Variants in VPS13C observed in about 807,000 individuals in gnomAD.
VPS13C encodes vacuolar protein sorting 13 homolog C.
VPS13C carries 358 observed loss-of-function variants against 456.8 expected under a neutral mutation model. The ratio of observed to expected loss-of-function variants is 0.78; its 90% CI spans 0.72 to 0.86. VPS13C has a LOEUF of 0.86. VPS13C is among the 40% of genes least tolerant of loss of function. The pLI, the probability that VPS13C is intolerant of heterozygous loss-of-function variation, is 0.00. For synonymous variants in VPS13C, 1,578 were observed against 1,486.7 expected, an observed-to-expected ratio of 1.06 and a Z score of -1.41; for missense variants, 4,818 against 4,385.4, an observed-to-expected ratio of 1.10 and a Z score of -2.79.
At chr15:61,924,930 G>A (rs575298199) in intron 53 of VPS13C, among the ~76,000 whole-genome samples, 24 of 152,160 alleles carry the variant, frequency 1.6e-4, no homozygotes, top group Admixed American at 1.3e-3. Flanking sequence ...GAACCTGAAC[G>A]CCATTGGAAA....
intron 45 of VPS13C, among the ~76,000 whole-genome samples, chr15:61,944,455 A>T (rs996210897): frequency 6.6e-6 from 1 of 152,166 alleles, no homozygotes; most frequent in African/African-American, 2.4e-5. Context: ...ACACAGTCAT[A>T]AAAAAAGAAT....
intron 8 of VPS13C, among the ~76,000 whole-genome samples, chr15:62,022,284 A>G (rs1265370438): frequency 6.6e-6 from 1 of 151,888 alleles, no homozygotes; most frequent in African/African-American, 2.4e-5. Context: ...AATTTTACAA[A>G]TTAGAAATGG....
At chr15:62,003,007 T>A (rs2046689547) in intron 15 of VPS13C, among the ~76,000 whole-genome samples, 1 of 152,146 alleles carries the variant, frequency 6.6e-6, no homozygotes, top group Non-Finnish European at 1.5e-5. Flanking sequence ...ATGCGGGCTC[T>A]TTTTTGGTTC....
intron 55 of VPS13C, among the ~76,000 whole-genome samples, chr15:61,921,209 T>C (rs1411716890): frequency 2.0e-5 from 3 of 152,120 alleles, no homozygotes; most frequent in African/African-American, 7.2e-5. Flanking sequence ...ATATTACTTC[T>C]TTATTGAGAG....
At chr15:62,048,624 T>C (rs1275737457) in intron 1 of VPS13C, among the ~76,000 whole-genome samples, 1 of 151,954 alleles carries the variant, frequency 6.6e-6, no homozygotes, top group African/African-American at 2.4e-5. Context: ...TACCCAGTAA[T>C]GGGATGGCTG....
intron 66 of VPS13C, among the ~76,000 whole-genome samples, chr15:61,904,954 A>C (rs892015999): frequency 1.3e-5 from 2 of 152,006 alleles, no homozygotes; most frequent in South Asian, 4.2e-4. Context: ...CTTTATAGAG[A>C]GTTGATGTTG....
intron 18 of VPS13C, among the ~76,000 whole-genome samples, chr15:61,986,159 G>T (rs143169948): frequency 6.7e-6 from 1 of 150,152 alleles, no homozygotes; most frequent in Non-Finnish European, 1.5e-5. Context: ...AGGCTCACTA[G>T]ATTCATGACA....
chr15:61,859,104 C>T (rs930171341), intron 82 of VPS13C, among the ~76,000 whole-genome samples: 4 of 152,180 alleles, frequency 2.6e-5, no homozygotes, highest in African/African-American at 9.7e-5. Flanking sequence ...GTTATGATGG[C>T]TCATGCCTGT....
intron 8 of VPS13C, among the ~76,000 whole-genome samples, chr15:62,022,709 A>T (rs1422254759): frequency 2.6e-5 from 4 of 151,984 alleles, no homozygotes; most frequent in Non-Finnish European, 4.4e-5. Flanking sequence ...CAAATTAAAA[A>T]CAAAAAGAAT....
chr15:62,009,358 A>C (rs2046965619), intron 13 of VPS13C, among the ~76,000 whole-genome samples: 1 of 151,576 alleles, frequency 6.6e-6, no homozygotes, highest in Non-Finnish European at 1.5e-5. Flanking sequence ...AAAGCAGAGA[A>C]GATTAAAAAA....
chr15:61,919,983 C>A, intron 57 of VPS13C, 84 bp downstream of exon 57: 1 of 1,303,940 alleles, frequency 7.7e-7, no homozygotes, highest in South Asian at 2.3e-5. Context: ...ATATCTGCAG[C>A]AAAATGTTTT....
At chr15:61,965,971 G>T (rs2045363355) in intron 30 of VPS13C, 112 bp downstream of exon 30, 4 of 638,186 alleles carry the variant, frequency 6.3e-6, no homozygotes, top group Non-Finnish European at 7.7e-6. Flanking sequence ...AACTCTTATT[G>T]GTCCTTGATT....
chr15:62,001,997 A>G (rs1484269956), intron 15 of VPS13C, among the ~76,000 whole-genome samples: 1 of 152,214 alleles, frequency 6.6e-6, no homozygotes, highest in Admixed American at 6.5e-5. Context: ...ATGTGTCTTT[A>G]TAGCAGCATG....
chr15:61,954,572 A>T lies in VPS13C; in HGVS notation c.4166-18T>A, dbSNP rs1433491191. ...AATTTCACCTGAAATGTTTAAAAGA[A>T]ATTCATTACTTTTATTCACAAATTT... On this transcript the variant is annotated intron_variant, in intron 37 of 84. Transcript: ENST00000644861. 1 of 1,567,750 alleles carries T rather than the reference A, an allele frequency of 6.4e-7. No homozygotes were observed. Among genetic ancestry groups the T allele is most frequent in the Admixed American group, 2.1e-5 (1 of 48,306 alleles).
chr15:61,873,144 A>C, intron 78 of VPS13C, 102 bp downstream of exon 78: 3 of 1,465,242 alleles, frequency 2.0e-6, no homozygotes, highest in Non-Finnish European at 2.7e-6. Flanking sequence ...TTCTATTCCT[A>C]CAGGCCTAGA....
chr15:61,937,597 C>G (rs931234949), intron 47 of VPS13C, among the ~76,000 whole-genome samples: 1 of 152,298 alleles, frequency 6.6e-6, no homozygotes, highest in Non-Finnish European at 1.5e-5. Context: ...GCCTCAACCT[C>G]GTGAGTAGCT....
intron 67 of VPS13C, 78 bp from the exon 68 acceptor site, chr15:61,884,347 G>A: frequency 7.0e-7 from 1 of 1,422,344 alleles, no homozygotes; most frequent in Non-Finnish European, 9.5e-7. Context: ...CCAGATTATT[G>A]TAACTATTAT....
rs1481131936 is a variant in VPS13C, at chr15:61,879,726, T to G, written c.10002+883A>C. Among the ~76,000 whole-genome samples the G allele has an allele frequency of 2.0e-5, 3 of 152,082 alleles. No individual in the cohort carries two copies. In the East Asian group the frequency reaches 5.8e-4, roughly 29 times the overall value. ...GCATTCAGTAAATACTTGTTTAAGG[T>G]ATTGTTCAATCCCACAAATAACTGA... On this transcript the variant is annotated intron_variant, in intron 73 of 84. Transcript: ENST00000644861.
intron 67 of VPS13C, among the ~76,000 whole-genome samples, chr15:61,888,890 T>C (rs1457136307): frequency 6.6e-6 from 1 of 152,146 alleles, no homozygotes; most frequent in Non-Finnish European, 1.5e-5. Flanking sequence ...TAATGTAGTA[T>C]CAATATTAGC....
Sources: allele counts gnomAD v4.1 joint callset (sites outside exome capture counted in the v4.1 genomes callset), GRCh38; gene constraint gnomAD v4.1.1; transcripts MANE v1.5; gene names NCBI Gene and HGNC (gene_info 2026-07-23, HGNC 2026-07-21).